SP140: variants seen among roughly 807,000 people sequenced by gnomAD.
The protein encoded by SP140 is nuclear body protein SP140.
A neutral mutation model predicts 125.0 loss-of-function variants in SP140; 81 were observed. The ratio of observed to expected loss-of-function variants is 0.65; its 90% confidence interval spans 0.54 to 0.78. The LOEUF (loss-of-function observed/expected upper bound fraction) is 0.78. Ranked by LOEUF, SP140 falls within the 30% of genes least tolerant of loss-of-function variation. SP140 has a pLI of 0.00. For synonymous variants in SP140, 312 were observed against 354.0 expected (o/e 0.88, Z 1.33); for missense variants, 858 against 1,037.0 (o/e 0.83, Z 2.37).
intron 1 of SP140, among the ~76,000 whole-genome samples, chr2:230,205,441 G>A (rs926338735): frequency 6.6e-6 from 1 of 152,026 alleles, no homozygotes; most frequent in Non-Finnish European, 1.5e-5. Context: ...AGTCACTATT[G>A]TAATCCTATC....
intron 1 of SP140, among the ~76,000 whole-genome samples, chr2:230,208,229 GACA>G: frequency 6.6e-6 from 1 of 152,172 alleles, no homozygotes; most frequent in Admixed American, 6.6e-5. Flanking sequence ...ACTCTAAAAT[GACA>G]GAGGAAAAGG....
At position 230,269,608 on chromosome 2, in the gene SP140, T is replaced by C. The variant is rs145379472; in HGVS notation, c.1317T>C (p.Asp439=). Residue 439 remains aspartate (D), a synonymous_variant, in exon 13 of 27, where the codon GAT becomes GAC. Transcript: ENST00000392045. ...SEELASSLLY[D]NVPGAEQSAY... ...AGCTTGCTTCTAGCCTGCTATATGATAATGTACCAGGTAATTATGACTTAA... is the reference window on the plus strand; with the variant it reads ...AGCTTGCTTCTAGCCTGCTATATGACAATGTACCAGGTAATTATGACTTAA... The C allele has an allele frequency of 2.6e-6, 4 of 1,557,092 alleles. No individual in the cohort carries two copies. The East Asian group carries it at 9.0e-5, about 35-fold the overall frequency.
Position 230,245,845 on chromosome 2 carries a change from T to C in SP140, c.665-18T>C, listed in dbSNP as rs555436894. 3 of 1,554,126 alleles carry C rather than the reference T, an allele frequency of 1.9e-6. No homozygotes were observed. Among genetic ancestry groups the C allele is most frequent in the African/African-American group, 1.4e-5 (1 of 74,052 alleles). ...GGTCACTGCCAATTGTCTGTCATGT[T>C]CCTCTTTCACTCTGCAGTGTCCTGT... On this transcript the variant is annotated intron_variant, in intron 6 of 26. Coordinates refer to ENST00000392045, the MANE Select transcript of SP140 (RefSeq NM_007237.5).
chr2:230,194,531 G>A, the SP140 span, among the ~76,000 whole-genome samples: 1 of 152,176 alleles, frequency 6.6e-6, no homozygotes, highest in African/African-American at 2.4e-5. Flanking sequence ...AAAGAAAAGT[G>A]GGATGAAGCA....
chr2:230,212,423 A>G (rs1333279996), intron 1 of SP140: 4 of 1,609,138 alleles, frequency 2.5e-6, no homozygotes, highest in South Asian at 1.1e-5. Flanking sequence ...TTAACTTGTC[A>G]TTGGTCACTG....
At chr2:230,253,944 A>C (rs1440025974) in intron 11 of SP140, among the ~76,000 whole-genome samples, 3 of 152,190 alleles carry the variant, frequency 2.0e-5, no homozygotes, top group Non-Finnish European at 4.4e-5. Flanking sequence ...GGGAGAAGAG[A>C]ACTTTGAGAG....
upstream of SP140, chr2:230,225,705 C>T: frequency 1.4e-6 from 1 of 729,892 alleles, no homozygotes; most frequent in Non-Finnish European, 2.5e-6. Flanking sequence ...GTTGGTGCAC[C>T]CACGTCAGCT....
intron 18 of SP140, among the ~76,000 whole-genome samples, chr2:230,289,125 ATC>A (rs1290174043): frequency 6.6e-6 from 1 of 152,216 alleles, no homozygotes; most frequent in African/African-American, 2.4e-5. Flanking sequence ...CCTCTTCAGC[ATC>A]TGTTGTTTCC....
At chr2:230,263,154 T>C (rs2052550506) in intron 12 of SP140, among the ~76,000 whole-genome samples, 2 of 152,182 alleles carry the variant, frequency 1.3e-5, no homozygotes, top group Admixed American at 6.5e-5. Flanking sequence ...GTTAGGTGCA[T>C]ATATGTTTAG....
At chr2:230,254,975 C>T (rs1006946110) in intron 11 of SP140, among the ~76,000 whole-genome samples, 1 of 152,192 alleles carries the variant, frequency 6.6e-6, no homozygotes, top group African/African-American at 2.4e-5. Flanking sequence ...TGGTTCATTT[C>T]CACTATCCCA....
intron 1 of SP140, among the ~76,000 whole-genome samples, chr2:230,227,778 A>G (rs961413866): frequency 6.6e-6 from 1 of 152,056 alleles, no homozygotes; most frequent in African/African-American, 2.4e-5. Context: ...CCCTTCTTTC[A>G]TTCTGATGAT....
chr2:230,235,902 G>A (rs1043184988), intron 1 of SP140, among the ~76,000 whole-genome samples: 4 of 121,730 alleles, frequency 3.3e-5, no homozygotes, highest in Non-Finnish European at 6.4e-5. Flanking sequence ...TTGAGATGGA[G>A]TCTTGCCTCT....
At chr2:230,240,603 A>T (rs935931920) in intron 3 of SP140, among the ~76,000 whole-genome samples, 1 of 152,238 alleles carries the variant, frequency 6.6e-6, no homozygotes, top group African/African-American at 2.4e-5. Flanking sequence ...AATTAAAGTT[A>T]TAGTGAGATA....
Position 230,245,072 on chromosome 2 carries a change from G to T in SP140, c.656G>T (p.Gly219Val). 6.2e-7 allele frequency: 1 copy of T among 1,608,572 alleles called. No homozygotes were observed. Residue 219 changes from glycine to valine, a missense_variant, in exon 6 of 27, where the codon GGT becomes GTT. This residue lies in a region of SP140 where 791 missense variants were observed against 869.5 expected (regional missense o/e 0.91). Transcript: ENST00000392045. ...DAEDAPSLLPGGGVSCKLAIQ... is the reference protein window; with the variant it reads ...DAEDAPSLLPVGGVSCKLAIQ... ...GAAGATGCACCCAGCCTACTACCAG[G>T]TGGGGGAGGTAATTATGATTTAAAT... is the stretch of plus-strand genomic sequence containing the variant.
chr2:230,288,245 G>A lies in SP140; in HGVS notation c.1720+279G>A, dbSNP rs148360250. 959 of 357,890 alleles carry A rather than the reference G, an allele frequency of 2.7e-3. 6 individuals are homozygous for A. Among genetic ancestry groups the A allele is most frequent in the Non-Finnish European group, 2.4e-3 (473 of 195,006 alleles). 22.2% of individuals were successfully genotyped at this position (357,890 alleles called of 1,614,324 possible). A position where few individuals can be genotyped will look rare whatever the true frequency, so the allele number is the denominator to read the frequency against. On this transcript the variant is annotated intron_variant, in intron 18 of 26. Transcript: ENST00000392045. ...TCAAGGCTGGAGATAGTTCATTGCC[G>A]TATAAAGGGTATAACCCATAAGTGA... is the stretch of plus-strand genomic sequence containing the variant.
At chr2:230,190,017 T>C in the SP140 span, among the ~76,000 whole-genome samples, 3 of 152,358 alleles carry the variant, frequency 2.0e-5, no homozygotes, top group South Asian at 6.2e-4. Flanking sequence ...TAAACATACA[T>C]GTGCATGTGT....
Position 230,309,734 on chromosome 2 carries a change from C to T in SP140, c.2059-190C>T, listed in dbSNP as rs566671197. On this transcript the variant is annotated intron_variant, in intron 22 of 26. Transcript: ENST00000392045. Reference sequence around the variant, plus strand: ...TTTCAATTCTGACCCATACCCCTTCCTCCTGAACTTCACTGCAGACCAGGA... The same window carrying T: ...TTTCAATTCTGACCCATACCCCTTCTTCCTGAACTTCACTGCAGACCAGGA... Among the ~76,000 whole-genome samples, 225 of 152,314 alleles carry T rather than the reference C, an allele frequency of 1.5e-3. 1 individual carries two copies. The highest frequency in any genetic ancestry group is 5.1e-3 in the African/African-American group (214 of 41,564).
chr2:230,253,209 A>T, intron 10 of SP140, 107 bp from the exon 11 acceptor site: 2 of 774,666 alleles, frequency 2.6e-6, no homozygotes, highest in Non-Finnish European at 4.5e-6. Context: ...ATGTAACAAG[A>T]TGGAGAAAAG....
At position 230,289,694 on chromosome 2, in the gene SP140, C is replaced by T. The variant is rs539922399; in HGVS notation, c.1721-766C>T. Among the ~76,000 whole-genome samples the T allele has an allele frequency of 2.0e-4, 30 of 152,256 alleles. 1 individual carries two copies. In the East Asian group the frequency reaches 3.5e-3, roughly 18 times the overall value. ...TTCGCCATGTTGGCCAGGCTGGTCT[C>T]GAACTCCTGACGTCAAGTGATCCAC... On this transcript the variant is annotated intron_variant, in intron 18 of 26. Transcript: ENST00000392045.
Sources: allele counts gnomAD v4.1 joint callset (sites outside exome capture counted in the v4.1 genomes callset), GRCh38; gene constraint gnomAD v4.1.1; regional missense constraint gnomAD v4.1.1; transcripts MANE v1.5; gene names NCBI Gene and HGNC (gene_info 2026-07-23, HGNC 2026-07-21).